The following PTPRT variants were observed in gnomAD, a reference collection of about 807,000 sequenced individuals.
PTPRT encodes receptor-type tyrosine-protein phosphatase T.
PTPRT carries 56 observed loss-of-function variants against 176.8 expected under a neutral mutation model. The ratio of observed to expected loss-of-function variants is 0.32; its 90% confidence interval spans 0.26 to 0.40. The LOEUF is 0.40. Ranked by LOEUF, PTPRT falls within the 10% of genes least tolerant of loss-of-function variation. PTPRT has a pLI of 1.00. For synonymous variants in PTPRT, 783 were observed against 739.0 expected, an observed-to-expected ratio of 1.06 and a Z score of -0.96; for missense variants, 1,540 against 1,908.2, an observed-to-expected ratio of 0.81 and a Z score of 3.60.
chr20:42,084,713 C>A lies in PTPRT; in HGVS notation c.4105G>T (p.Gly1369Trp), dbSNP rs779764608. 6.4e-7 allele frequency: 1 copy of A among 1,555,954 alleles called. No homozygotes were observed. Among genetic ancestry groups the A allele is most frequent in the Non-Finnish European group, 8.7e-7 (1 of 1,146,566 alleles). The change falls in exon 29 of 31, where the codon GGG becomes TGG. Residue 1369 changes from glycine to tryptophan, a missense_variant. Physicochemically the swap from Gly to Trp is radical, Grantham distance 184. Coordinates refer to ENST00000373187, the MANE Select transcript of PTPRT (RefSeq NM_007050.6). ...RLEKWQEQYDGREGRTVVHCL... is the reference protein window; with the variant it reads ...RLEKWQEQYDWREGRTVVHCL... ...TGGACCACAGTACGTCCCTCCCTCCCGTCATACTGCTCCTGCCACTTCTCC... is the reference window on the plus strand; with the variant it reads ...TGGACCACAGTACGTCCCTCCCTCCAGTCATACTGCTCCTGCCACTTCTCC...
chr20:42,903,579 C>G (rs2079434942), intron 1 of PTPRT, among the ~76,000 whole-genome samples: 2 of 152,158 alleles, frequency 1.3e-5, no homozygotes, highest in African/African-American at 4.8e-5. Context: ...ATCATAAGTA[C>G]AGTTGGTTGT....
At chr20:42,961,380 G>A (rs1452196094) in intron 1 of PTPRT, among the ~76,000 whole-genome samples, 1 of 152,180 alleles carries the variant, frequency 6.6e-6, no homozygotes, top group African/African-American at 2.4e-5. Context: ...CTTACTCAGA[G>A]ATGTTGGATA....
intron 9 of PTPRT, among the ~76,000 whole-genome samples, chr20:42,424,277 T>A (rs2059144327): frequency 1.3e-5 from 2 of 152,190 alleles, no homozygotes; most frequent in South Asian, 2.1e-4. Flanking sequence ...GCACTTTCTC[T>A]GTGCAAAAAA....
At chr20:43,086,723 T>C (rs2011614968) in intron 1 of PTPRT, among the ~76,000 whole-genome samples, 2 of 152,228 alleles carry the variant, frequency 1.3e-5, no homozygotes, top group Admixed American at 6.5e-5. Context: ...CGACTCTGTG[T>C]TGTCATATCC....
chr20:42,388,060 A>C (rs2058761954), intron 9 of PTPRT, among the ~76,000 whole-genome samples: 1 of 152,180 alleles, frequency 6.6e-6, no homozygotes, highest in South Asian at 2.1e-4. Context: ...AAGTGCTGGG[A>C]TTACAGGCGT....
chr20:42,087,652 G>C (rs1984118617), intron 27 of PTPRT, among the ~76,000 whole-genome samples: 1 of 150,988 alleles, frequency 6.6e-6, no homozygotes, highest in Admixed American at 6.6e-5. Context: ...AAGGTGGGTG[G>C]ATCGTGAGGT....
intron 16 of PTPRT, among the ~76,000 whole-genome samples, chr20:42,170,641 A>G (rs1049545128): frequency 8.5e-5 from 13 of 152,238 alleles, no homozygotes; most frequent in Non-Finnish European, 1.6e-4. Flanking sequence ...CAAGGAAAGC[A>G]GAACAATACA....
chr20:43,081,337 C>A (rs537351862), intron 1 of PTPRT, among the ~76,000 whole-genome samples: 125 of 152,240 alleles, frequency 8.2e-4, no homozygotes, highest in African/African-American at 3.0e-3. Flanking sequence ...ATCAATTGGC[C>A]AACATTGGAA....
chr20:43,066,260 C>T (rs557164027), intron 1 of PTPRT, among the ~76,000 whole-genome samples: 3 of 152,148 alleles, frequency 2.0e-5, no homozygotes, highest in African/African-American at 7.2e-5. Context: ...GGACTTGGCT[C>T]GGTTTTCATC....
chr20:43,094,391 CTTTTTTTTTTTTT>C (rs71335878), intron 1 of PTPRT, among the ~76,000 whole-genome samples: 13 of 64,670 alleles, frequency 2.0e-4, no homozygotes, highest in African/African-American at 6.4e-4. Context: ...CGGCCTCTTT[CTTTTTTTTTTTTT>C]TTTTTTTTTT....
chr20:42,850,544 G>A (rs746130844), intron 2 of PTPRT, among the ~76,000 whole-genome samples: 2 of 152,186 alleles, frequency 1.3e-5, no homozygotes, highest in Non-Finnish European at 2.9e-5. Flanking sequence ...TTGTGAATGT[G>A]CCTTCTACAG....
In PTPRT at chr20:42,974,776, T is replaced by C. The variant is rs574449553; in HGVS notation, c.89-88844A>G. ...ACATACTTCTTATTTCTTCCACTTA[T>C]CCCAATCCTTAACAAAAATTAAAAC... is the stretch of plus-strand genomic sequence containing the variant. On this transcript the variant is annotated intron_variant, in intron 1 of 30. Coordinates refer to ENST00000373187, the MANE Select transcript of PTPRT (RefSeq NM_007050.6). Among the ~76,000 whole-genome samples, 8 of 152,338 alleles carry C rather than the reference T, an allele frequency of 5.3e-5. No homozygotes were observed. In the South Asian group the frequency reaches 1.7e-3, roughly 32 times the overall value.
At chr20:42,481,342 C>T (rs1362907684) in intron 7 of PTPRT, among the ~76,000 whole-genome samples, 1 of 152,098 alleles carries the variant, frequency 6.6e-6, no homozygotes, top group Non-Finnish European at 1.5e-5. Flanking sequence ...TGACACCATC[C>T]CTAAGGTCGA....
At position 42,896,940 on chromosome 20, in the gene PTPRT, T is replaced by C. The variant is rs142193499; in HGVS notation, c.89-11008A>G. Among the ~76,000 whole-genome samples the C allele has an allele frequency of 2.5e-3, 384 of 152,290 alleles. 1 individual carries two copies. The highest frequency in any genetic ancestry group is 8.8e-3 in the African/African-American group (364 of 41,560). On this transcript the variant is annotated intron_variant, in intron 1 of 30. Coordinates refer to ENST00000373187, the MANE Select transcript of PTPRT (RefSeq NM_007050.6). ...TGAATGTAAACCAGCCTTCCATAAA[T>C]TGAATTCCTTTTCTGAATATATAAT...
At chr20:42,713,318 A>G (rs992224170) in intron 6 of PTPRT, among the ~76,000 whole-genome samples, 13 of 152,190 alleles carry the variant, frequency 8.5e-5, no homozygotes, top group Admixed American at 6.5e-4. Flanking sequence ...AAAAATGAGT[A>G]ACATTGCAAT....
At chr20:42,214,391 C>G (rs16986670) in intron 15 of PTPRT, among the ~76,000 whole-genome samples, 48,151 of 152,084 alleles carry the variant, frequency 0.32, 8,627 homozygotes, top group East Asian at 0.41. Context: ...TGTCTGCTCA[C>G]TGCCTCTGTT....
chr20:42,586,713 T>A (rs1454338729), intron 7 of PTPRT, among the ~76,000 whole-genome samples: 5 of 152,204 alleles, frequency 3.3e-5, no homozygotes, highest in Non-Finnish European at 7.3e-5. Context: ...ATGCTATACA[T>A]CCTGTTCCCA....
At chr20:42,893,755 G>T (rs867065392) in intron 1 of PTPRT, among the ~76,000 whole-genome samples, 1 of 150,920 alleles carries the variant, frequency 6.6e-6, no homozygotes, top group Non-Finnish European at 1.5e-5. Context: ...GTAAACTATC[G>T]CAAGGACAAA....
At chr20:42,242,415 G>A (rs988309621) in intron 14 of PTPRT, among the ~76,000 whole-genome samples, 1 of 152,234 alleles carries the variant, frequency 6.6e-6, no homozygotes, top group Non-Finnish European at 1.5e-5. Context: ...ACAGCTGATG[G>A]TCTAGTGAGG....
Sources: allele counts gnomAD v4.1 joint callset (sites outside exome capture counted in the v4.1 genomes callset), GRCh38; gene constraint gnomAD v4.1.1; transcripts MANE v1.5; gene names NCBI Gene and HGNC (gene_info 2026-07-23, HGNC 2026-07-21).